Variants in NUAK1 observed in about 807,000 individuals in gnomAD.
NUAK1 encodes the protein NUAK family SNF1-like kinase 1.
NUAK1 carries 26 observed loss-of-function variants against 56.9 expected under a neutral mutation model. The ratio of observed to expected loss-of-function variants is 0.46; its 90% CI spans 0.33 to 0.63. The LOEUF (loss-of-function observed/expected upper bound fraction) is 0.63, where lower values mean the gene tolerates loss of function less well. Among genes scored for constraint, NUAK1 ranks in the 30% least tolerant of loss-of-function variants. The pLI, the probability that NUAK1 is intolerant of heterozygous loss-of-function variation, is 0.02. For missense variants in NUAK1, 727 were observed against 876.1 expected (o/e 0.83, Z 2.15); for synonymous variants, 337 against 336.0 (o/e 1.00, Z -0.03).
intron 1 of NUAK1, among the ~76,000 whole-genome samples, chr12:106,107,908 A>G (rs922118409): frequency 4.6e-5 from 7 of 152,210 alleles, no homozygotes; most frequent in Non-Finnish European, 7.3e-5. Context: ...TCCTTACCCC[A>G]GTTGTGATTA....
In NUAK1 at chr12:106,087,870, G is replaced by GC. The variant is rs569533792; in HGVS notation, c.362-986dup. Among the ~76,000 whole-genome samples, 11 of 152,292 alleles carry GC rather than the reference G, an allele frequency of 7.2e-5. No homozygotes were observed. The South Asian group carries it at 2.1e-3, about 29-fold the overall frequency. Reference sequence around the variant, plus strand: ...CAAAGAGCTGGCTGGAATCAGCAGGGCTCCAGTCCCCAGCATGGATGGGGA... The same window carrying GC: ...CAAAGAGCTGGCTGGAATCAGCAGGGCCTCCAGTCCCCAGCATGGATGGGGA... On this transcript the variant is annotated intron_variant, in intron 2 of 6. Transcript: ENST00000261402.
intron 6 of NUAK1, among the ~76,000 whole-genome samples, chr12:106,068,606 A>G (rs1429869796): frequency 6.6e-6 from 1 of 152,240 alleles, no homozygotes; most frequent in East Asian, 1.9e-4. Flanking sequence ...CTACTGAGCT[A>G]TCAGATCAGA....
rs772593938 is a variant in NUAK1 at position 106,135,640 on chromosome 12, C to A, written c.240+2774G>T. ...TCACATTAGTAAAACACGTTAGAAC[C>A]ACTGCTCCTCTTGAGAGATGCTGTA... On this transcript the variant is annotated intron_variant, in intron 1 of 6. Coordinates refer to ENST00000261402, the MANE Select transcript of NUAK1 (RefSeq NM_014840.3). Among the ~76,000 whole-genome samples, 97 of 152,276 alleles carry A rather than the reference C, an allele frequency of 6.4e-4. 1 individual carries two copies. Among genetic ancestry groups the A allele is most frequent in the Non-Finnish European group, 2.9e-4 (20 of 68,018 alleles).
chr12:106,099,751 G>A (rs568825278), intron 2 of NUAK1, among the ~76,000 whole-genome samples: 4 of 152,046 alleles, frequency 2.6e-5, no homozygotes, highest in African/African-American at 9.6e-5. Context: ...CTAGCCCAAG[G>A]TAAACACTCA....
intron 4 of NUAK1, among the ~76,000 whole-genome samples, chr12:106,073,805 G>A (rs754877033): frequency 1.1e-4 from 16 of 151,570 alleles, no homozygotes; most frequent in African/African-American, 1.5e-4. Flanking sequence ...GCGACAAAGC[G>A]AGATTCAATC....
chr12:106,078,613 C>G (rs1302975376), intron 4 of NUAK1, among the ~76,000 whole-genome samples: 5 of 152,324 alleles, frequency 3.3e-5, no homozygotes, highest in Admixed American at 3.3e-4. Flanking sequence ...AGCCTCACTC[C>G]TGAGTTGCCA....
intron 2 of NUAK1, among the ~76,000 whole-genome samples, chr12:106,092,445 GAGA>G (rs1362114376): frequency 6.6e-6 from 1 of 151,936 alleles, no homozygotes; most frequent in South Asian, 2.1e-4. Context: ...TTGAACCCAG[GAGA>G]AGGAGGTTGC....
rs778868101 is a variant in NUAK1 at position 106,067,047 on chromosome 12, C to T, written c.1741G>A (p.Asp581Asn). 4 of 1,614,224 alleles carry T rather than the reference C, an allele frequency of 2.5e-6. No individual in the cohort carries two copies. Among genetic ancestry groups the T allele is most frequent in the Non-Finnish European group, 2.5e-6 (3 of 1,180,034 alleles). ...TGCAAATCCAGCAAGTCAAAAGAGTCGCTGGACAGCACGCTGTCATCGCTG... is the reference window on the plus strand; with the variant it reads ...TGCAAATCCAGCAAGTCAAAAGAGTTGCTGGACAGCACGCTGTCATCGCTG... ...VISDDSVLSS[D>N]SFDLLDLQEN... Residue 581 changes from aspartate (D) to asparagine (N), a missense_variant, in exon 7 of 7, where the codon GAC becomes AAC. Asp to Asn is a conservative substitution (Grantham distance 23). Transcript: ENST00000261402. The surrounding 1 kb of genome is among the most constrained non-coding windows in gnomAD (Gnocchi z 6.0).
chr12:106,070,274 A>AGTTTT (rs2032392313), intron 6 of NUAK1, among the ~76,000 whole-genome samples: 8 of 152,268 alleles, frequency 5.3e-5, no homozygotes, highest in African/African-American at 1.9e-4. Context: ...TGGTTGTGTA[A>AGTTTT]GCCACTGAGT....
In NUAK1 at chr12:106,067,696, C is replaced by A; in HGVS notation, c.1092G>T (p.Arg364=). 1.9e-6 allele frequency: 3 copies of A among 1,614,236 alleles called. No individual in the cohort carries two copies. Among genetic ancestry groups the A allele is most frequent in the Non-Finnish European group, 2.5e-6 (3 of 1,180,038 alleles). ...KPTTSEVMLE[R]QRSLKKSKKE... ...TCTTGGATTTCTTCAGCGACCGCTGCCGCTCTAGCATGACCTCAGAGGTCG... is the reference window on the plus strand; with the variant it reads ...TCTTGGATTTCTTCAGCGACCGCTGACGCTCTAGCATGACCTCAGAGGTCG... Residue 364 remains arginine (R), a synonymous_variant, in exon 7 of 7, where the codon CGG becomes CGT. Coordinates refer to ENST00000261402, the MANE Select transcript of NUAK1 (RefSeq NM_014840.3). This position sits in a 1 kb window ranked among gnomAD's most constrained non-coding sequence, Gnocchi z 6.0.
Position 106,066,968 on chromosome 12 carries a change from A to C in NUAK1, c.1820T>G (p.Phe607Cys). Residue 607 changes from phenylalanine (F) to cysteine (C), a missense_variant, in exon 7 of 7, where the codon TTC (phenylalanine) becomes TGC (cysteine). Transcript: ENST00000261402. Reference protein sequence around the residue: ...RIRSCVSAENFLQIQDFEGLQ... With the variant: ...RIRSCVSAENCLQIQDFEGLQ... ...CCCCTCAAAGTCCTGGATCTGGAGGAAGTTTTCTGCAGAGACGCAGCTGCG... is the reference window on the plus strand; with the variant it reads ...CCCCTCAAAGTCCTGGATCTGGAGGCAGTTTTCTGCAGAGACGCAGCTGCG... The C allele has an allele frequency of 6.2e-7, 1 of 1,614,190 alleles. No homozygotes were observed. Among genetic ancestry groups the C allele is most frequent in the Non-Finnish European group, 8.5e-7 (1 of 1,180,022 alleles).
intron 2 of NUAK1, among the ~76,000 whole-genome samples, chr12:106,098,510 A>G (rs1436599519): frequency 6.6e-6 from 1 of 152,194 alleles, no homozygotes; most frequent in Non-Finnish European, 1.5e-5. Context: ...AGCCAGGATC[A>G]CCCTTATCTA....
At chr12:106,098,598 G>A (rs375811597) in intron 2 of NUAK1, among the ~76,000 whole-genome samples, 18 of 152,288 alleles carry the variant, frequency 1.2e-4, no homozygotes, top group African/African-American at 4.1e-4. Flanking sequence ...ATGCAATCTT[G>A]CATGGCCAAG....
intron 4 of NUAK1, among the ~76,000 whole-genome samples, chr12:106,082,369 C>T (rs780876265): frequency 9.2e-5 from 14 of 152,190 alleles, no homozygotes; most frequent in Non-Finnish European, 1.5e-4. Context: ...CATTTGGACA[C>T]GAGTGCTTAG....
chr12:106,134,149 C>T (rs1014050412), intron 1 of NUAK1, among the ~76,000 whole-genome samples: 3 of 152,240 alleles, frequency 2.0e-5, no homozygotes, highest in African/African-American at 7.2e-5. Flanking sequence ...TCACTTAACA[C>T]TTCTGCGCCT....
At chr12:106,108,869 T>C (rs1372789328) in intron 1 of NUAK1, among the ~76,000 whole-genome samples, 1 of 152,154 alleles carries the variant, frequency 6.6e-6, no homozygotes, top group East Asian at 1.9e-4. Flanking sequence ...GGTCCCATGG[T>C]GCAATCGCCA....
rs2032799390 is a variant in NUAK1, at chr12:106,106,319, G to C, written c.361+86C>G. The C allele has an allele frequency of 2.4e-6, 3 of 1,266,998 alleles. No individual in the cohort carries two copies. In the Admixed American group the frequency reaches 7.1e-5, roughly 30 times the overall value. 78.5% of individuals were successfully genotyped at this position (1,266,998 alleles called of 1,614,324 possible). On this transcript the variant is annotated intron_variant, in intron 2 of 6. Coordinates refer to ENST00000261402, the MANE Select transcript of NUAK1 (RefSeq NM_014840.3). Reference sequence around the variant, plus strand: ...AAAAATACTTGGCTTCTGCCCAGAAGGGCAATTATCTCAAAGTCTTGGCAG... The same window carrying C: ...AAAAATACTTGGCTTCTGCCCAGAACGGCAATTATCTCAAAGTCTTGGCAG...
chr12:106,128,605 T>C (rs572089220), intron 1 of NUAK1, among the ~76,000 whole-genome samples: 9 of 152,326 alleles, frequency 5.9e-5, no homozygotes, highest in East Asian at 1.9e-4. Flanking sequence ...TCAAGCACCT[T>C]TGTGGCCCGT....
chr12:106,079,095 A>G (rs2032490272), intron 4 of NUAK1, among the ~76,000 whole-genome samples: 1 of 152,336 alleles, frequency 6.6e-6, no homozygotes, highest in Non-Finnish European at 1.5e-5. Context: ...AGCCAGTCCC[A>G]TCACTTATTA....
Sources: allele counts gnomAD v4.1 joint callset (sites outside exome capture counted in the v4.1 genomes callset), GRCh38; gene constraint gnomAD v4.1.1; non-coding constraint Gnocchi (gnomAD v3.1); transcripts MANE v1.5; gene names NCBI Gene and HGNC (gene_info 2026-07-23, HGNC 2026-07-21).